Variants in CDC25C observed in about 807,000 individuals in gnomAD.
The protein encoded by CDC25C is cell division cycle 25C.
Under a neutral mutation model 52.5 loss-of-function variants are expected in CDC25C, and 48 were observed. The ratio of observed to expected loss-of-function variants is 0.91; its 90% confidence interval spans 0.72 to 1.16. The LOEUF (loss-of-function observed/expected upper bound fraction) is 1.16, where lower values mean the gene tolerates loss of function less well. CDC25C is among the 50% of genes most tolerant of loss of function. CDC25C has a pLI of 0.00. For missense variants in CDC25C, 510 were observed against 566.1 expected, an observed-to-expected ratio of 0.90 and a Z score of 1.01; for synonymous variants, 187 against 206.5, an observed-to-expected ratio of 0.91 and a Z score of 0.81.
intron 3 of CDC25C, 109 bp from the exon 4 acceptor site, chr5:138,328,638 G>A: frequency 1.1e-6 from 1 of 898,788 alleles, no homozygotes. Context: ...TTCAAGGACT[G>A]AGCTTTTGAA....
chr5:138,313,261 C>A (rs1758589157), intron 7 of CDC25C, among the ~76,000 whole-genome samples: 1 of 151,948 alleles, frequency 6.6e-6, no homozygotes, highest in Non-Finnish European at 1.5e-5. Flanking sequence ...TGCCTGGAAT[C>A]CCAGCTACGC....
intron 7 of CDC25C, among the ~76,000 whole-genome samples, chr5:138,304,026 ATC>A (rs1382294468): frequency 4.6e-5 from 7 of 152,200 alleles, no homozygotes; most frequent in Admixed American, 3.9e-4. Flanking sequence ...TTCTGATAGC[ATC>A]TGTTTTCTCT....
At chr5:138,323,932 T>TG (rs1759639975) in intron 6 of CDC25C, among the ~76,000 whole-genome samples, 1 of 143,730 alleles carries the variant, frequency 7.0e-6, no homozygotes, top group Non-Finnish European at 1.5e-5. Flanking sequence ...CACTCCAGCC[T>TG]GGACAACAGA....
At chr5:138,300,357 A>T (rs942876052) in intron 7 of CDC25C, among the ~76,000 whole-genome samples, 1 of 152,178 alleles carries the variant, frequency 6.6e-6, no homozygotes, top group Non-Finnish European at 1.5e-5. Context: ...TGAGCTCAGG[A>T]GTCTAAGACC....
upstream of CDC25C, among the ~76,000 whole-genome samples, chr5:138,333,110 T>C (rs146280690): frequency 1.7e-3 from 256 of 152,322 alleles, 2 homozygotes; most frequent in African/African-American, 6.0e-3. Context: ...TAGCTGGTCC[T>C]ACGACCATAC....
chr5:138,338,132 AC>A (rs1760847120), exon 1 of CDC25C: 1 of 1,289,652 alleles, frequency 7.8e-7, no homozygotes, highest in South Asian at 1.2e-5. Context: ...TGAGAGAGAC[AC>A]GACACGGAGC....
At chr5:138,309,672 T>C (rs989250633) in intron 7 of CDC25C, among the ~76,000 whole-genome samples, 2 of 150,886 alleles carry the variant, frequency 1.3e-5, no homozygotes, top group African/African-American at 2.4e-5. Flanking sequence ...AGCTCAAACA[T>C]GGCATGCCCT....
In CDC25C at chr5:138,319,664, A is replaced by T. The variant is rs142116616; in HGVS notation, c.460-290T>A. ...GTCTTATATTTGATGAGAGATTAAT[A>T]TCAGAATATATAAGGAACTCCTACA... On this transcript the variant is annotated intron_variant, in intron 6 of 13. Transcript: ENST00000323760. Among the ~76,000 whole-genome samples, 431 of 152,344 alleles carry T rather than the reference A, an allele frequency of 2.8e-3. 6 individuals are homozygous for T. Among genetic ancestry groups the T allele is most frequent in the Middle Eastern group, 0.014 (4 of 294 alleles).
chr5:138,333,352 G>A (rs747490882), upstream of CDC25C: 1 of 152,186 alleles, frequency 6.6e-6, no homozygotes, highest in African/African-American at 2.4e-5. Flanking sequence ...TGTGTCTGTT[G>A]TCAGGATCTT....
At position 138,301,296 on chromosome 5, in the gene CDC25C, C is replaced by T. The variant is rs113862176; in HGVS notation, c.616-9180G>A. Among the ~76,000 whole-genome samples, 34 of 152,182 alleles carry T rather than the reference C, an allele frequency of 2.2e-4. 1 individual carries two copies. Among genetic ancestry groups the T allele is most frequent in the African/African-American group, 7.7e-4 (32 of 41,530 alleles). The stretch of plus-strand genomic sequence containing the variant: ...TATGGATTCTACAGACACTAAAACG[C>T]TAATAAGGAAGTATTTTTAACAACT... On this transcript the variant is annotated intron_variant, in intron 7 of 13. Transcript: ENST00000323760.
rs776011399 is a variant in CDC25C, at chr5:138,287,260, G to A, written c.935C>T (p.Ala312Val). Residue 312 changes from alanine (A) to valine (V), a missense_variant, in exon 11 of 14, where the codon GCC becomes GTC. Ala to Val is a moderately conservative substitution (Grantham distance 64). Transcript: ENST00000323760. ...LKYVNPETVA[A>V]LLSGKFQGLI... ...ACCCTGGAACTTCCCCGACAGTAAG[G>A]CAGCCACCTGGACAGAAACAATGAC... 1 of 1,612,556 alleles carries A rather than the reference G, an allele frequency of 6.2e-7. No homozygotes were observed. Among genetic ancestry groups the A allele is most frequent in the South Asian group, 1.1e-5 (1 of 91,022 alleles).
chr5:138,332,924 C>A (rs1055622879), upstream of CDC25C, among the ~76,000 whole-genome samples: 6 of 152,138 alleles, frequency 3.9e-5, no homozygotes, highest in African/African-American at 1.4e-4. Flanking sequence ...ACAAGATTGA[C>A]CCTGACTGTT....
At position 138,287,200 on chromosome 5, in the gene CDC25C, T is replaced by G; in HGVS notation, c.995A>C (p.Tyr332Ser). The G allele has an allele frequency of 6.2e-7, 1 of 1,614,002 alleles. No individual in the cohort carries two copies. The highest frequency in any genetic ancestry group is 1.7e-5 in the Admixed American group (1 of 60,010). The change falls in exon 11 of 14, where the codon TAT becomes TCT. Residue 332 changes from tyrosine (Y) to serine (S), a missense_variant. Physicochemically the swap from Tyr to Ser is moderately radical, Grantham distance 144 (BLOSUM62 -2). Coordinates refer to ENST00000323760, the MANE Select transcript of CDC25C (RefSeq NM_001790.5). ...IEKFYVIDCRYPYEYLGGHIQ... is the reference protein window; with the variant it reads ...IEKFYVIDCRSPYEYLGGHIQ... ...GTGTCCTCCCAGATACTCATATGGA[T>G]AGCGACAATCAATGACATAAAACTT...
intron 7 of CDC25C, among the ~76,000 whole-genome samples, chr5:138,296,564 T>A (rs985906716): frequency 6.6e-6 from 1 of 151,542 alleles, no homozygotes; most frequent in Non-Finnish European, 1.5e-5. Context: ...ACATGCGCCA[T>A]CATGCCTGGC....
intron 9 of CDC25C, among the ~76,000 whole-genome samples, chr5:138,290,028 A>G (rs912144806): frequency 1.3e-5 from 2 of 152,074 alleles, no homozygotes; most frequent in Non-Finnish European, 2.9e-5. Context: ...GATCATGCCA[A>G]TGTACTCCAG....
At chr5:138,308,317 A>C (rs1387198734) in intron 7 of CDC25C, among the ~76,000 whole-genome samples, 2 of 152,242 alleles carry the variant, frequency 1.3e-5, no homozygotes, top group Non-Finnish European at 2.9e-5. Context: ...TGTTCACTGT[A>C]CTGTACTTAA....
chr5:138,299,972 T>A (rs924761514), intron 7 of CDC25C, among the ~76,000 whole-genome samples: 26 of 152,096 alleles, frequency 1.7e-4, no homozygotes, highest in African/African-American at 6.3e-4. Context: ...GAAGAAATAT[T>A]AGTGAATAAC....
chr5:138,333,135 T>C (rs1396950176), upstream of CDC25C, among the ~76,000 whole-genome samples: 1 of 152,150 alleles, frequency 6.6e-6, no homozygotes, highest in Non-Finnish European at 1.5e-5. Context: ...CGTGGTAAGG[T>C]ATTACCCCAT....
chr5:138,286,906 T>C (rs1176726199), intron 11 of CDC25C, among the ~76,000 whole-genome samples: 1 of 152,188 alleles, frequency 6.6e-6, no homozygotes, highest in African/African-American at 2.4e-5. Context: ...GCAAAGTGCT[T>C]CAGTCCTTGG....
Sources: gnomAD v4.1 joint callset for allele counts (sites outside exome capture counted in the v4.1 genomes callset) on GRCh38, gnomAD v4.1.1 for gene constraint, MANE v1.5 for transcripts, NCBI Gene and HGNC (gene_info 2026-07-23, HGNC 2026-07-21) for gene names.